The following ZNF445 variants were observed in gnomAD, a reference collection of about 807,000 sequenced individuals.
ZNF445 encodes the protein zinc finger protein 168.
ZNF445 carries 19 observed loss-of-function variants against 93.9 expected under a neutral mutation model. The ratio of observed to expected loss-of-function variants is 0.20; its 90% CI spans 0.14 to 0.30. The LOEUF (loss-of-function observed/expected upper bound fraction) is 0.30, where lower values mean the gene tolerates loss of function less well. Among genes scored for constraint, ZNF445 ranks in the 10% least tolerant of loss-of-function variants. ZNF445 has a pLI of 1.00. For missense variants in ZNF445, 1,058 were observed against 1,259.4 expected (o/e 0.84, Z 2.42); for synonymous variants, 449 against 446.3 (o/e 1.01, Z -0.08).
intron 1 of ZNF445, among the ~76,000 whole-genome samples, chr3:44,468,801 CT>C (rs1698227627): frequency 6.6e-6 from 1 of 152,084 alleles, no homozygotes; most frequent in South Asian, 2.1e-4. Context: ...TCCTTAAAAA[CT>C]TTGCTCCGCA....
chr3:44,458,272 G>A lies in ZNF445; in HGVS notation c.-176C>T, dbSNP rs1375059634. The A allele has an allele frequency of 6.6e-6, 1 of 152,198 alleles. No homozygotes were observed. Among genetic ancestry groups the A allele is most frequent in the African/African-American group, 2.4e-5 (1 of 41,394 alleles). 9.4% of individuals were successfully genotyped at this position (152,198 alleles called of 1,614,324 possible). A position where few individuals can be genotyped will look rare whatever the true frequency, so the allele number is the denominator to read the frequency against. ...TAGTCCCAGCTACTCGGGAGGCTGA[G>A]GCAGAAGAATCACTTGAACCCAGGA... On this transcript the variant is annotated 5_prime_UTR_variant, in exon 2 of 8. Transcript: ENST00000396077.
rs1697779221 is a variant in ZNF445 at position 44,440,003 on chromosome 3, T to G, written c.*6572A>C. On this transcript the variant is annotated 3_prime_UTR_variant, in exon 8 of 8. Coordinates refer to ENST00000396077, the MANE Select transcript of ZNF445 (RefSeq NM_181489.6). ...TCAGCTTGTCCAGATCCAGGCAAACTGAGGGGGAGAGCTTGAATGCTATTA... is the reference window on the plus strand; with the variant it reads ...TCAGCTTGTCCAGATCCAGGCAAACGGAGGGGGAGAGCTTGAATGCTATTA... 1 of 152,322 alleles carries G rather than the reference T, an allele frequency of 6.6e-6. No homozygotes were observed. The highest frequency in any genetic ancestry group is 1.5e-5 in the Non-Finnish European group (1 of 68,032). 9.4% of individuals were successfully genotyped at this position (152,322 alleles called of 1,614,324 possible).
rs1156444594 is a variant in ZNF445 at position 44,441,162 on chromosome 3, C to G, written c.*5413G>C. 6.6e-6 allele frequency: 1 copy of G among 152,234 alleles called. No individual in the cohort carries two copies. Among genetic ancestry groups the G allele is most frequent in the Admixed American group, 6.5e-5 (1 of 15,282 alleles). The allele number at this position is 152,234 out of a possible 1,614,324, so 9.4% of individuals were successfully genotyped here. ...TCTCCTGACCTCATAATCCGCCCGC[C>G]TTGGCCTCCCAAAGTGCTGGGATTA... On this transcript the variant is annotated 3_prime_UTR_variant, in exon 8 of 8. Transcript: ENST00000396077.
In ZNF445 at chr3:44,445,535, T is replaced by A. The variant is rs1187204793; in HGVS notation, c.*1040A>T. On this transcript the variant is annotated 3_prime_UTR_variant, in exon 8 of 8. Transcript: ENST00000396077. The stretch of plus-strand genomic sequence containing the variant: ...CTTCCAGCTGGCTCCCTGCACTCCA[T>A]CCCAGGGGCTTCCTTCCTGAGGACA... 6.6e-6 allele frequency: 1 copy of A among 152,600 alleles called. No homozygotes were observed. Among genetic ancestry groups the A allele is most frequent in the Non-Finnish European group, 1.5e-5 (1 of 68,428 alleles). The allele number at this position is 152,600 out of a possible 1,614,324, so 9.5% of individuals were successfully genotyped here.
chr3:44,469,539 C>A (rs1698237855), intron 1 of ZNF445, among the ~76,000 whole-genome samples: 1 of 152,142 alleles, frequency 6.6e-6, no homozygotes, highest in Non-Finnish European at 1.5e-5. Flanking sequence ...GAGGCTAAGG[C>A]TGGCACATTA....
intron 1 of ZNF445, among the ~76,000 whole-genome samples, chr3:44,466,187 A>G (rs1220767464): frequency 6.6e-6 from 1 of 152,156 alleles, no homozygotes; most frequent in Non-Finnish European, 1.5e-5. Context: ...TTTTTAAAAA[A>G]AATTTTTTTT....
intron 2 of ZNF445, among the ~76,000 whole-genome samples, chr3:44,455,937 T>G (rs777777651): frequency 5.9e-5 from 9 of 152,118 alleles, no homozygotes; most frequent in Non-Finnish European, 8.8e-5. Flanking sequence ...ATGAAAAAAG[T>G]CAGAGAAGAT....
intron 1 of ZNF445, among the ~76,000 whole-genome samples, chr3:44,465,804 C>A (rs1242547155): frequency 6.6e-6 from 1 of 152,142 alleles, no homozygotes; most frequent in Non-Finnish European, 1.5e-5. Flanking sequence ...ATCCCAACTA[C>A]TCTGGAGGCT....
intron 3 of ZNF445, among the ~76,000 whole-genome samples, chr3:44,452,791 T>G (rs1322522422): frequency 1.3e-5 from 2 of 152,224 alleles, no homozygotes; most frequent in East Asian, 3.8e-4. Flanking sequence ...AAATATTTTC[T>G]ATTAGTTATA....
chr3:44,475,619 C>A (rs1332747435), intron 1 of ZNF445, among the ~76,000 whole-genome samples: 2 of 152,228 alleles, frequency 1.3e-5, no homozygotes, highest in African/African-American at 2.4e-5. Context: ...TTATTGAGAA[C>A]CTACTGTATG....
chr3:44,476,282 T>C (rs1698351007), intron 1 of ZNF445, among the ~76,000 whole-genome samples: 1 of 152,194 alleles, frequency 6.6e-6, no homozygotes. Flanking sequence ...ATACTTGCCA[T>C]TTTTCATGCT....
chr3:44,451,287 G>A lies in ZNF445; in HGVS notation c.598+27C>T, dbSNP rs1375130261. ...AATGCAAGAAGTGTGGCATAAGGCT[G>A]GGGTCTTAAGGCCAGGCAGCAAGTA... On this transcript the variant is annotated intron_variant, in intron 4 of 7. Coordinates refer to ENST00000396077, the MANE Select transcript of ZNF445 (RefSeq NM_181489.6). 4.4e-6 allele frequency: 7 copies of A among 1,607,802 alleles called. No homozygotes were observed. In the East Asian group the frequency reaches 1.6e-4, roughly 36 times the overall value.
chr3:44,463,498 GATAGA>G (rs1351888118), intron 1 of ZNF445, among the ~76,000 whole-genome samples: 1 of 152,172 alleles, frequency 6.6e-6, no homozygotes, highest in Non-Finnish European at 1.5e-5. Context: ...ATTAAAAACT[GATAGA>G]TCCCTTTCAA....
At position 44,448,348 on chromosome 3, in the gene ZNF445, A is replaced by AGAC; in HGVS notation, c.1322_1323insGTC (p.Ile441delinsMetSer). 1 of 1,614,148 alleles carries AGAC rather than the reference A, an allele frequency of 6.2e-7. No individual in the cohort carries two copies. Among genetic ancestry groups the AGAC allele is most frequent in the Non-Finnish European group, 8.5e-7 (1 of 1,180,014 alleles). On this transcript the variant is annotated protein_altering_variant, in exon 8 of 8. Coordinates refer to ENST00000396077, the MANE Select transcript of ZNF445 (RefSeq NM_181489.6). ...TTCTCTGATGTAGGCTGAAGCCCCC[A>AGAC]ATCATGTGTCTGAGCCCCTTCCCAT...
intron 1 of ZNF445, among the ~76,000 whole-genome samples, chr3:44,473,364 G>A (rs1457412241): frequency 6.6e-6 from 1 of 151,686 alleles, no homozygotes; most frequent in Non-Finnish European, 1.5e-5. Flanking sequence ...TGAGGCAGGA[G>A]AATCGCTTGA....
In ZNF445 at chr3:44,448,679, G is replaced by C. The variant is rs750132171; in HGVS notation, c.992C>G (p.Ala331Gly). 1.9e-6 allele frequency: 3 copies of C among 1,613,844 alleles called. No homozygotes were observed. In the South Asian group the frequency reaches 3.3e-5, roughly 18 times the overall value. Residue 331 changes from alanine to glycine, a missense_variant, in exon 8 of 8, where the codon GCA (alanine) becomes GGA (glycine). By Grantham distance (60) the Ala-to-Gly change is moderately conservative. Around this residue, in one of 3 missense-constraint regions of ZNF445, gnomAD observed 657 missense variants for 746.4 expected, o/e 0.88. Coordinates refer to ENST00000396077, the MANE Select transcript of ZNF445 (RefSeq NM_181489.6). ...FILNQEPLEE[A>G]ETLAVSSGCP... is the part of the protein sequence containing the mutation. ...TCCTGATGACACAGCTAAGGTTTCT[G>C]CTTCTTCCAAAGGTTCCTGATTTAA... is the stretch of plus-strand genomic sequence containing the variant.
intron 1 of ZNF445, among the ~76,000 whole-genome samples, chr3:44,473,877 T>TTGAA (rs2125686758): frequency 6.6e-6 from 1 of 152,196 alleles, no homozygotes; most frequent in African/African-American, 2.4e-5. Flanking sequence ...ATATAACTGA[T>TTGAA]TGAATAAATA....
chr3:44,474,235 G>C (rs1347589296), intron 1 of ZNF445, among the ~76,000 whole-genome samples: 2 of 152,090 alleles, frequency 1.3e-5, no homozygotes, highest in Non-Finnish European at 2.9e-5. Context: ...CAAATATAAG[G>C]CCGGCACGGT....
In ZNF445 at chr3:44,446,813, T is replaced by C. The variant is rs549861480; in HGVS notation, c.2858A>G (p.Glu953Gly). The change falls in exon 8 of 8, where the codon GAA (glutamate) becomes GGA (glycine). Residue 953 changes from glutamate (E) to glycine (G), a missense_variant. By Grantham distance (98) the Glu-to-Gly change is moderately conservative. Coordinates refer to ENST00000396077, the MANE Select transcript of ZNF445 (RefSeq NM_181489.6). This position sits in a 1 kb window ranked among gnomAD's most constrained non-coding sequence, Gnocchi z 4.2. ...KLKPSEEMPL[E>G]DCKEACSQSS... ...CTGGCTGCAAGCTTCTTTGCAGTCT[T>C]CGAGGGGCATCTCTTCACTTGGTTT... is the stretch of plus-strand genomic sequence containing the variant. 2.4e-5 allele frequency: 38 copies of C among 1,614,196 alleles called. No individual in the cohort carries two copies. The East Asian group carries it at 8.2e-4, about 35-fold the overall frequency.
Sources: gnomAD v4.1 joint callset for allele counts (sites outside exome capture counted in the v4.1 genomes callset) on GRCh38, gnomAD v4.1.1 for gene constraint, gnomAD v4.1.1 regional missense constraint, Gnocchi (gnomAD v3.1) non-coding constraint, MANE v1.5 for transcripts, NCBI Gene and HGNC (gene_info 2026-07-23, HGNC 2026-07-21) for gene names.